The following SRP68 variants were observed in gnomAD, a reference collection of about 807,000 sequenced individuals.
SRP68 encodes signal recognition particle subunit SRP68.
In SRP68, 15 loss-of-function variants were observed where a neutral mutation model predicts 82.2. The observed-to-expected ratio is 0.18, with a 90% confidence interval of 0.12 to 0.28. The LOEUF is 0.28. SRP68 is among the 10% of genes least tolerant of loss of function. The pLI, the probability that SRP68 is intolerant of heterozygous loss-of-function variation, is 1.00. For missense variants in SRP68, 595 were observed against 780.5 expected (o/e 0.76, Z 2.83); for synonymous variants, 261 against 292.6 (o/e 0.89, Z 1.10).
intron 4 of SRP68, among the ~76,000 whole-genome samples, chr17:76,063,549 G>T (rs549912479): frequency 6.6e-6 from 1 of 152,042 alleles, no homozygotes; most frequent in African/African-American, 2.4e-5. Flanking sequence ...TTAGCCAGGC[G>T]TGGTGGCACG....
At chr17:76,056,653 C>A (rs566233656) in intron 8 of SRP68, among the ~76,000 whole-genome samples, 2 of 152,306 alleles carry the variant, frequency 1.3e-5, no homozygotes, top group East Asian at 3.9e-4. Flanking sequence ...TTCCTCAACA[C>A]ATTAACAAAA....
At position 76,043,816 on chromosome 17, in the gene SRP68, G is replaced by A; in HGVS notation, c.1524+13C>T. 1.9e-6 allele frequency: 3 copies of A among 1,583,506 alleles called. No homozygotes were observed. Among genetic ancestry groups the A allele is most frequent in the African/African-American group, 1.4e-5 (1 of 72,972 alleles). Reference sequence around the variant, plus strand: ...TGCCAGGGCTTGCAAACAAGGAGAGGCCAACCTCTCACCTTTAGGCTGTTC... The same window carrying A: ...TGCCAGGGCTTGCAAACAAGGAGAGACCAACCTCTCACCTTTAGGCTGTTC... On this transcript the variant is annotated intron_variant, in intron 13 of 15. Coordinates refer to ENST00000307877, the MANE Select transcript of SRP68 (RefSeq NM_014230.4).
intron 5 of SRP68, 42 bp downstream of exon 5, chr17:76,061,450 T>C (rs377038715): frequency 3.2e-6 from 5 of 1,543,420 alleles, no homozygotes; most frequent in Non-Finnish European, 4.5e-6. Flanking sequence ...TTTGACAATC[T>C]GTAATTAAAA....
intron 12 of SRP68, among the ~76,000 whole-genome samples, chr17:76,044,596 A>G (rs2066616021): frequency 6.6e-6 from 1 of 152,192 alleles, no homozygotes; most frequent in African/African-American, 2.4e-5. Flanking sequence ...AAATGACACA[A>G]GTCATTTAAG....
Position 76,060,312 on chromosome 17 carries a change from A to C in SRP68, c.833T>G (p.Leu278Trp). 6.2e-7 allele frequency: 1 copy of C among 1,610,178 alleles called. No individual in the cohort carries two copies. The highest frequency in any genetic ancestry group is 8.5e-7 in the Non-Finnish European group (1 of 1,178,556). ...AAAATGTACATACTAGATTACCTCC[A>C]ATTTTTCAGCCAAGAGACCCTCAGT... Reference protein sequence around the residue: ...GGTEGLLAEKLEALITQTRAK... With the variant: ...GGTEGLLAEKWEALITQTRAK... The change falls in exon 7 of 16, where the codon TTG becomes TGG. Residue 278 changes from leucine (L) to tryptophan (W), a missense_variant. Leu to Trp is a moderately conservative substitution (Grantham distance 61). Coordinates refer to ENST00000307877, the MANE Select transcript of SRP68 (RefSeq NM_014230.4).
chr17:76,060,692 T>C (rs1164074206), intron 6 of SRP68: 2 of 371,996 alleles, frequency 5.4e-6, no homozygotes, highest in Non-Finnish European at 9.7e-6. Flanking sequence ...TGATGGTGTG[T>C]CTATAAAGGG....
chr17:76,067,389 AT>A, intron 2 of SRP68, 59 bp from the exon 3 acceptor site: 1 of 1,261,610 alleles, frequency 7.9e-7, no homozygotes, highest in Non-Finnish European at 1.1e-6. Flanking sequence ...TGAATAATAA[AT>A]TCTGCAATAA....
chr17:76,047,789 A>G (rs1486505162), intron 10 of SRP68, 117 bp downstream of exon 10: 1 of 252,362 alleles, frequency 4.0e-6, no homozygotes, highest in East Asian at 1.1e-4. Flanking sequence ...ATCCTGTCTC[A>G]AAAAAAAAAA....
rs1190582131 is a variant in SRP68, at chr17:76,064,158, C to A, written c.379G>T (p.Val127Phe). Residue 127 changes from valine to phenylalanine, a missense_variant, in exon 4 of 16, where the codon GTT becomes TTT. By Grantham distance (50) the Val-to-Phe change is conservative (BLOSUM62 -1). Transcript: ENST00000307877. ...LLTDNRYLLL[V>F]LMDAERAWSY... Reference sequence around the variant, plus strand: ...CAGGCTCTTTCAGCATCCATCAGAACCAGAAGCAAGTATCTAGACCAGAGA... The same window carrying A: ...CAGGCTCTTTCAGCATCCATCAGAAACAGAAGCAAGTATCTAGACCAGAGA... The A allele has an allele frequency of 1.9e-6, 3 of 1,614,088 alleles. No homozygotes were observed. In the South Asian group the frequency reaches 3.3e-5, roughly 18 times the overall value.
rs563102566 is a variant in SRP68 at position 76,070,658 on chromosome 17, T to C, written c.185-214A>G. On this transcript the variant is annotated intron_variant, in intron 1 of 15. Transcript: ENST00000307877. ...GAGTTCAAGACCAGCCTGGCCAGCA[T>C]GGTGAAACCCCGTCTCTACTAAAAA... Among the ~76,000 whole-genome samples the C allele has an allele frequency of 8.5e-5, 13 of 152,178 alleles. No homozygotes were observed. In the East Asian group the frequency reaches 2.5e-3, roughly 29 times the overall value.
In SRP68 at chr17:76,039,074, G is replaced by A. The variant is rs1040558566; in HGVS notation, c.*632C>T. The A allele has an allele frequency of 1.0e-5, 3 of 300,286 alleles. No individual in the cohort carries two copies. Among genetic ancestry groups the A allele is most frequent in the African/African-American group, 2.2e-5 (1 of 46,076 alleles). The allele number at this position is 300,286 out of a possible 1,614,324, so 18.6% of individuals were successfully genotyped here. ...CGAGGAGAGAACGGGGACTGGACAT[G>A]AGGGAGGGCATATAAGAAATGGGCA... On this transcript the variant is annotated 3_prime_UTR_variant, in exon 16 of 16. Transcript: ENST00000307877.
intron 4 of SRP68, among the ~76,000 whole-genome samples, chr17:76,062,210 C>T (rs562828033): frequency 6.6e-5 from 10 of 150,890 alleles, no homozygotes; most frequent in Admixed American, 1.3e-4. Flanking sequence ...TTGCTTGAAA[C>T]TGGGAGGCAG....
rs1388970196 is a variant in SRP68 at position 76,072,402 on chromosome 17, TCCACCGCCGCTACCGCCGCCGCCACTG to T, written c.63_89del (p.Ser22_Gly30del). ...TATTTTCTTCCCCTCCGGCACCACG[TCCACCGCCGCTACCGCCGCCGCCACTG>T]CCACCGCCGCCGCCACTGCCGCCGC... On this transcript the variant is annotated inframe_deletion, in exon 1 of 16. Transcript: ENST00000307877. The surrounding 1 kb of genome is among the most constrained non-coding windows in gnomAD (Gnocchi z 4.5). 4 of 1,586,974 alleles carry T rather than the reference TCCACCGCCGCTACCGCCGCCGCCACTG, an allele frequency of 2.5e-6. No homozygotes were observed. The highest frequency in any genetic ancestry group is 3.3e-5 in the Admixed American group (2 of 59,768).
chr17:76,062,685 A>AT lies in SRP68; in HGVS notation c.562-1112dup, dbSNP rs2066769986. Among the ~76,000 whole-genome samples the AT allele has an allele frequency of 8.0e-5, 2 of 25,028 alleles. 1 individual carries two copies. Among genetic ancestry groups the AT allele is most frequent in the African/African-American group, 1.7e-3 (2 of 1,182 alleles). 16.4% of individuals were successfully genotyped at this position (25,028 alleles called of 152,430 possible). On this transcript the variant is annotated intron_variant, in intron 4 of 15. Coordinates refer to ENST00000307877, the MANE Select transcript of SRP68 (RefSeq NM_014230.4). ...TATAATATACATTATATAATATATA[A>AT]TATACATTATATATTGTATATTATA...
Position 76,039,926 on chromosome 17 carries a change from A to G in SRP68, c.1664T>C (p.Val555Ala). 1 of 1,614,180 alleles carries G rather than the reference A, an allele frequency of 6.2e-7. No individual in the cohort carries two copies. The highest frequency in any genetic ancestry group is 8.5e-7 in the Non-Finnish European group (1 of 1,180,006). Residue 555 changes from valine to alanine, a missense_variant, in exon 16 of 16, where the codon GTT becomes GCT. Physicochemically the swap from Val to Ala is moderately conservative, Grantham distance 64 (BLOSUM62 0). Coordinates refer to ENST00000307877, the MANE Select transcript of SRP68 (RefSeq NM_014230.4). ...SSQVKDNKPL[V>A]ERFETFCLDP... Reference sequence around the variant, plus strand: ...CAGGCAGAATGTCTCAAACCGTTCAACCAGAGGCTGGAAGTCAAATCAAAG... The same window carrying G: ...CAGGCAGAATGTCTCAAACCGTTCAGCCAGAGGCTGGAAGTCAAATCAAAG...
At chr17:76,053,510 T>C (rs2144502846) in intron 8 of SRP68, 1 of 985,368 alleles carries the variant, frequency 1.0e-6, no homozygotes, top group Non-Finnish European at 1.2e-6. Flanking sequence ...TAAAACCTCT[T>C]GACTGCCACG....
chr17:76,046,646 C>CA (rs1002873549), intron 10 of SRP68, among the ~76,000 whole-genome samples: 20 of 150,820 alleles, frequency 1.3e-4, no homozygotes, highest in African/African-American at 4.1e-4. Flanking sequence ...AACAACAAAA[C>CA]AAAAAAAACG....
At chr17:76,051,746 T>C (rs1372088037) in intron 8 of SRP68, among the ~76,000 whole-genome samples, 2 of 152,196 alleles carry the variant, frequency 1.3e-5, no homozygotes, top group Non-Finnish European at 2.9e-5. Flanking sequence ...CTGGGGCTCA[T>C]TCATGCTATA....
At chr17:76,057,604 A>G in intron 7 of SRP68, 61 bp from the exon 8 acceptor site, 4 of 1,561,326 alleles carry the variant, frequency 2.6e-6, no homozygotes, top group South Asian at 1.1e-5. Flanking sequence ...GGAGGTGAAA[A>G]TAAGTGGAAT....
Sources: allele counts gnomAD v4.1 joint callset (sites outside exome capture counted in the v4.1 genomes callset), GRCh38; gene constraint gnomAD v4.1.1; non-coding constraint Gnocchi (gnomAD v3.1); transcripts MANE v1.5; gene names NCBI Gene and HGNC (gene_info 2026-07-23, HGNC 2026-07-21).